POLGARF: variants seen among roughly 807,000 people sequenced by gnomAD.
POLGARF encodes the protein POLG alternative reading frame.
At chr15:89,331,119 G>A in the POLGARF span, among the ~76,000 whole-genome samples, 1 of 146,526 alleles carries the variant, frequency 6.8e-6, no homozygotes, top group South Asian at 2.2e-4. Flanking sequence ...CAGCTGCGAA[G>A]GAGCTCCTTG....
At chr15:89,333,367 G>C in the POLGARF span, 1 of 1,576,324 alleles carries the variant, frequency 6.3e-7, no homozygotes, top group Non-Finnish European at 8.6e-7. Flanking sequence ...TCCCCGTAGA[G>C]GGGCGGCAGG....
chr15:89,331,284 C>T, the POLGARF span, among the ~76,000 whole-genome samples: 1 of 152,112 alleles, frequency 6.6e-6, no homozygotes, highest in Non-Finnish European at 1.5e-5. Context: ...AGCCAAGGGA[C>T]TGAAAGAAAT....
chr15:89,333,518 G>A, the POLGARF span: 4 of 1,612,728 alleles, frequency 2.5e-6, no homozygotes, highest in Admixed American at 3.3e-5. Flanking sequence ...GCCCTCTCGA[G>A]AGCATCTGGA....
At chr15:89,333,767 G>A in the POLGARF span, 2 of 1,535,022 alleles carry the variant, frequency 1.3e-6, no homozygotes, top group African/African-American at 2.7e-5. Flanking sequence ...TTGGTGCAGG[G>A]ACCCCCACGC....
the POLGARF span, chr15:89,333,770 C>T: frequency 6.5e-7 from 1 of 1,535,012 alleles, no homozygotes. Flanking sequence ...GTGCAGGGAC[C>T]CCCACGCTGG....
At chr15:89,333,154 C>T in the POLGARF span, 1 of 1,544,352 alleles carries the variant, frequency 6.5e-7, no homozygotes, top group Non-Finnish European at 8.7e-7. Flanking sequence ...GCCAAGCAGA[C>T]CTCCACGTCG....
chr15:89,333,234 C>G, the POLGARF span: 1 of 1,578,000 alleles, frequency 6.3e-7, no homozygotes, highest in Non-Finnish European at 8.6e-7. Flanking sequence ...CCGGGTCCAG[C>G]CCTCCGCCCA....
the POLGARF span, among the ~76,000 whole-genome samples, chr15:89,330,689 T>C: frequency 8.9e-5 from 13 of 146,672 alleles, no homozygotes; most frequent in African/African-American, 1.5e-4. Flanking sequence ...GTAAAGGAGA[T>C]AGACAATAAC....
chr15:89,331,476 T>G, the POLGARF span, among the ~76,000 whole-genome samples: 6 of 152,230 alleles, frequency 3.9e-5, no homozygotes, highest in Admixed American at 3.9e-4. Flanking sequence ...TATAAACTAG[T>G]GATTAAAAAG....
the POLGARF span, chr15:89,332,969 T>C: frequency 1.5e-6 from 2 of 1,291,456 alleles, no homozygotes; most frequent in South Asian, 1.9e-5. Flanking sequence ...CTAGTCCTAA[T>C]TCAACACATC....
At chr15:89,333,497 T>G in the POLGARF span, 3 of 1,612,786 alleles carry the variant, frequency 1.9e-6, no homozygotes, top group South Asian at 1.1e-5. Flanking sequence ...GCCCGAAGAT[T>G]TGCTCGTGCA....
the POLGARF span, chr15:89,330,343 T>A: frequency 1.6e-6 from 2 of 1,216,012 alleles, no homozygotes; most frequent in Non-Finnish European, 2.4e-6. Context: ...CAACAACCAC[T>A]GCACACCTAC....
chr15:89,333,611 C>T, the POLGARF span: 1 of 1,599,002 alleles, frequency 6.3e-7, no homozygotes, highest in Non-Finnish European at 8.5e-7. Flanking sequence ...GCTGCTGCTG[C>T]TGCTGCTGCT....
the POLGARF span, chr15:89,330,250 A>G: frequency 6.2e-7 from 1 of 1,610,690 alleles, no homozygotes; most frequent in Non-Finnish European, 8.5e-7. Context: ...ACGCTCTTCC[A>G]CCAGCCGCTG....
At chr15:89,330,924 G>A in the POLGARF span, among the ~76,000 whole-genome samples, 2 of 152,130 alleles carry the variant, frequency 1.3e-5, no homozygotes, top group Non-Finnish European at 2.9e-5. Context: ...AGGGATAGGG[G>A]ATGAGTGCTG....
the POLGARF span, chr15:89,333,607 G>T: frequency 2.5e-6 from 4 of 1,593,050 alleles, no homozygotes; most frequent in Middle Eastern, 1.7e-4. Flanking sequence ...TGCTGCTGCT[G>T]CTGCTGCTGC....
At chr15:89,333,511 C>G in the POLGARF span, 1 of 1,612,738 alleles carries the variant, frequency 6.2e-7, no homozygotes, top group African/African-American at 1.3e-5. Context: ...TCGTGCAGCC[C>G]TCTCGAGAGC....
At chr15:89,331,156 G>C in the POLGARF span, among the ~76,000 whole-genome samples, 6 of 152,108 alleles carry the variant, frequency 3.9e-5, no homozygotes, top group Middle Eastern at 3.4e-3. Context: ...GAAAAAGGGA[G>C]TATCTGCCTC....
At chr15:89,333,618 T>TGCC in the POLGARF span, 3 of 1,600,778 alleles carry the variant, frequency 1.9e-6, no homozygotes, top group South Asian at 3.3e-5. Context: ...CTGCTGCTGC[T>TGCC]GCTGCTGCTG....
Sources: allele counts gnomAD v4.1 joint callset (sites outside exome capture counted in the v4.1 genomes callset), GRCh38; gene constraint gnomAD v4.1.1; transcripts MANE v1.5; gene names NCBI Gene and HGNC (gene_info 2026-07-23, HGNC 2026-07-21).